The following AGL variants were observed in gnomAD, a reference collection of about 807,000 sequenced individuals.
The protein encoded by AGL is amylo-alpha-1,6-glucosidase and 4-alpha-glucanotransferase.
In AGL, 128 loss-of-function variants were observed where a neutral mutation model predicts 199.3. The ratio of observed to expected loss-of-function variants is 0.64; its 90% CI spans 0.56 to 0.74. The LOEUF (loss-of-function observed/expected upper bound fraction) is 0.74, where lower values mean the gene tolerates loss of function less well. Among genes scored for constraint, AGL ranks in the 30% least tolerant of loss-of-function variants. The pLI is 0.00. For synonymous variants in AGL, 584 were observed against 594.7 expected (o/e 0.98, Z 0.26); for missense variants, 1,809 against 1,820.8 (o/e 0.99, Z 0.12).
At position 99,881,330 on chromosome 1, in the gene AGL, G is replaced by A; in HGVS notation, c.2040G>A (p.Trp680Ter). The change falls in exon 16 of 34, where the codon TGG becomes TGA. Residue 680 changes from tryptophan to a stop codon, truncating the protein, a stop_gained. Transcript: ENST00000361915. LOFTEE classifies it high-confidence loss of function. ...VVSEERFYTK[W>*]NPEALPSNTG... ...CTGAAGAACGGTTTTACACTAAGTG[G>A]AATCCTGAAGCATTGCCTTCAAACA... is the stretch of plus-strand genomic sequence containing the variant. 1 of 1,614,080 alleles carries A rather than the reference G, an allele frequency of 6.2e-7. No homozygotes were observed. The highest frequency in any genetic ancestry group is 8.5e-7 in the Non-Finnish European group (1 of 1,180,006).
At chr1:99,883,337 T>C (rs567543839) in intron 17 of AGL, among the ~76,000 whole-genome samples, 2 of 152,260 alleles carry the variant, frequency 1.3e-5, no homozygotes, top group Admixed American at 6.5e-5. Context: ...GTTCTATCCC[T>C]AGGTATATAT....
At chr1:99,858,794 G>T (rs1042143390) in intron 2 of AGL, among the ~76,000 whole-genome samples, 1 of 151,202 alleles carries the variant, frequency 6.6e-6, no homozygotes, top group Non-Finnish European at 1.5e-5. Context: ...GAGCCAAAAG[G>T]TTTTTTCTAC....
rs188505189 is a variant in AGL, at chr1:99,899,781, C to T, written c.3363-855C>T. Among the ~76,000 whole-genome samples, 97 of 151,890 alleles carry T rather than the reference C, an allele frequency of 6.4e-4. No individual in the cohort carries two copies. In the East Asian group the frequency reaches 7.7e-3, roughly 12 times the overall value. On this transcript the variant is annotated intron_variant, in intron 25 of 33. Transcript: ENST00000361915. Reference sequence around the variant, plus strand: ...GATTACAGGTGCCTGCCACTACGCCCGGCTAATTTTTTGTGTTTTTAGTAG... The same window carrying T: ...GATTACAGGTGCCTGCCACTACGCCTGGCTAATTTTTTGTGTTTTTAGTAG...
rs1419414605 is a variant in AGL, at chr1:99,874,521, G to A, written c.959-166G>A. 1.9e-5 allele frequency: 13 copies of A among 679,198 alleles called. No homozygotes were observed. In the East Asian group the frequency reaches 2.0e-4, roughly 10 times the overall value. 42.1% of individuals were successfully genotyped at this position (679,198 alleles called of 1,614,324 possible). A position where few individuals can be genotyped will look rare whatever the true frequency, so the allele number is the denominator to read the frequency against. On this transcript the variant is annotated intron_variant, in intron 7 of 33. Coordinates refer to ENST00000361915, the MANE Select transcript of AGL (RefSeq NM_000642.3). ...TGCGCGTGCACGCACGTGCACACACGTGCACACAGCAGGATGAGAAGGGGA... is the reference window on the plus strand; with the variant it reads ...TGCGCGTGCACGCACGTGCACACACATGCACACAGCAGGATGAGAAGGGGA...
chr1:99,904,717 A>C, intron 27 of AGL, among the ~76,000 whole-genome samples: 1 of 152,338 alleles, frequency 6.6e-6, no homozygotes, highest in Non-Finnish European at 1.5e-5. Context: ...CATGTTCTAT[A>C]TAACCTTCTG....
chr1:99,917,976 A>G (rs529537909), intron 33 of AGL, among the ~76,000 whole-genome samples: 2 of 152,190 alleles, frequency 1.3e-5, no homozygotes, highest in African/African-American at 4.8e-5. Context: ...TATAGTTGCC[A>G]TTTTCAGTGC....
intron 4 of AGL, 48 bp from the exon 5 acceptor site, chr1:99,864,338 T>TTTTG (rs753956080): frequency 1.9e-5 from 28 of 1,488,498 alleles, no homozygotes. Context: ...TTTAGGCTGG[T>TTTTG]TTTGTTTGTT....
intron 27 of AGL, among the ~76,000 whole-genome samples, chr1:99,908,969 A>G (rs146709027): frequency 9.9e-5 from 15 of 152,204 alleles, no homozygotes; most frequent in African/African-American, 3.6e-4. Flanking sequence ...TCTGTTTCAC[A>G]TGTAGATTGG....
intron 33 of AGL, among the ~76,000 whole-genome samples, chr1:99,919,468 C>A (rs565303713): frequency 7.9e-5 from 12 of 152,264 alleles, no homozygotes; most frequent in South Asian, 4.1e-4. Context: ...CTCTAAGGAT[C>A]CCTTGTTCTT....
intron 7 of AGL, 78 bp from the exon 8 acceptor site, chr1:99,874,609 C>A: frequency 1.4e-6 from 2 of 1,393,948 alleles, no homozygotes; most frequent in Non-Finnish European, 9.9e-7. Flanking sequence ...AATTATAGGC[C>A]AAAAATTAGA....
chr1:99,884,028 C>A, intron 17 of AGL, 92 bp from the exon 18 acceptor site: 1 of 1,087,752 alleles, frequency 9.2e-7, no homozygotes. Context: ...TTGTTTTCAA[C>A]TTTAAGTTAA....
rs943273443 is a variant in AGL at position 99,870,553 on chromosome 1, C to T, written c.818C>T (p.Ala273Val). 2 of 1,613,950 alleles carry T rather than the reference C, an allele frequency of 1.2e-6. No homozygotes were observed. Among genetic ancestry groups the T allele is most frequent in the Admixed American group, 3.3e-5 (2 of 60,006 alleles). ...EGKYKEKGIP[A>V]LIENDHHMNS... ...AAATACAAAGAAAAGGGAATACCTG[C>T]TTTGATTGAAAATGATCACCATATG... Residue 273 changes from alanine to valine, a missense_variant, in exon 6 of 34, where the codon GCT becomes GTT. Ala to Val is a moderately conservative substitution (Grantham distance 64). Coordinates refer to ENST00000361915, the MANE Select transcript of AGL (RefSeq NM_000642.3).
At chr1:99,878,109 C>T (rs984629331) in intron 12 of AGL, among the ~76,000 whole-genome samples, 3 of 152,074 alleles carry the variant, frequency 2.0e-5, no homozygotes, top group Non-Finnish European at 4.4e-5. Flanking sequence ...ATCATATTGG[C>T]TACTGTGAAT....
chr1:99,882,054 G>A (rs1365773149), intron 17 of AGL, among the ~76,000 whole-genome samples: 16 of 151,184 alleles, frequency 1.1e-4, no homozygotes, highest in African/African-American at 2.9e-4. Flanking sequence ...TGGGAGGATC[G>A]CTTGAGCCCA....
Position 99,912,409 on chromosome 1 carries a change from G to A in AGL, c.3841G>A (p.Gly1281Arg), listed in dbSNP as rs1654811285. Residue 1281 changes from glycine to arginine, a missense_variant, in exon 29 of 34, where the codon GGG (glycine) becomes AGG (arginine). Transcript: ENST00000361915. ...NRGIPATPRD[G>R]SAVEIVGLSK... The stretch of plus-strand genomic sequence containing the variant: ...AAATACGTTTTTTAATTTTAGAGAT[G>A]GGTCTGCTGTGGAAATTGTGGGCCT... 6.2e-7 allele frequency: 1 copy of A among 1,613,278 alleles called. No homozygotes were observed. The highest frequency in any genetic ancestry group is 1.3e-5 in the African/African-American group (1 of 74,904).
intron 2 of AGL, among the ~76,000 whole-genome samples, chr1:99,856,023 T>C (rs901799563): frequency 6.6e-6 from 1 of 152,214 alleles, no homozygotes; most frequent in African/African-American, 2.4e-5. Flanking sequence ...ATTATGCTAG[T>C]TGCCTACAAG....
chr1:99,906,371 CTT>C (rs758550855), intron 27 of AGL, among the ~76,000 whole-genome samples: 1 of 151,938 alleles, frequency 6.6e-6, no homozygotes, highest in Non-Finnish European at 1.5e-5. Flanking sequence ...CTTTTTTTGT[CTT>C]TTTTGTGATA....
intron 33 of AGL, 46 bp from the exon 34 acceptor site, chr1:99,921,488 T>C: frequency 7.3e-7 from 1 of 1,379,182 alleles, no homozygotes; most frequent in African/African-American, 1.4e-5. Flanking sequence ...ATTTTGTTAA[T>C]ATGAATTAAA....
At chr1:99,852,309 A>G (rs1649020086) in intron 2 of AGL, among the ~76,000 whole-genome samples, 1 of 150,758 alleles carries the variant, frequency 6.6e-6, no homozygotes, top group Non-Finnish European at 1.5e-5. Context: ...GCTGCTAACA[A>G]GCTGACTTGG....
Sources: gnomAD v4.1 joint callset for allele counts (sites outside exome capture counted in the v4.1 genomes callset) on GRCh38, gnomAD v4.1.1 for gene constraint, MANE v1.5 for transcripts, NCBI Gene and HGNC (gene_info 2026-07-23, HGNC 2026-07-21) for gene names.